The following CSGALNACT1 variants were observed in gnomAD, a reference collection of about 807,000 sequenced individuals.
CSGALNACT1 encodes the protein beta4GalNAcT-1.
In CSGALNACT1, 52 loss-of-function variants were observed where a neutral mutation model predicts 51.0. The observed-to-expected ratio is 1.02, with a 90% confidence interval of 0.82 to 1.29. CSGALNACT1 has a LOEUF of 1.29. CSGALNACT1 is among the 50% of genes most tolerant of loss of function. The pLI is 0.00. For synonymous variants in CSGALNACT1, 341 were observed against 254.4 expected, an observed-to-expected ratio of 1.34 and a Z score of -3.24; for missense variants, 935 against 679.2, an observed-to-expected ratio of 1.38 and a Z score of -4.19.
chr8:19,598,759 C>T (rs4922066), intron 2 of CSGALNACT1, among the ~76,000 whole-genome samples: 97,177 of 151,994 alleles, frequency 0.64, 32,861 homozygotes, highest in East Asian at 0.83. Flanking sequence ...GTTCAGGAGA[C>T]GACTGCGCAA....
At chr8:19,583,963 T>C (rs545483972) in intron 3 of CSGALNACT1, among the ~76,000 whole-genome samples, 12 of 152,352 alleles carry the variant, frequency 7.9e-5, no homozygotes, top group Admixed American at 3.9e-4. Context: ...CTTTGCGGCA[T>C]GTTTATGTTG....
At position 19,612,952 on chromosome 8, in the gene CSGALNACT1, A is replaced by G. The variant is rs1197467994; in HGVS notation, c.-543-11087T>C. ...AAGAGAGGAAAAGCAGCTGGAAAAAAAAAAAAAAAAAAAAAAAAAAAAAAA... is the reference window on the plus strand; with the variant it reads ...AAGAGAGGAAAAGCAGCTGGAAAAAGAAAAAAAAAAAAAAAAAAAAAAAAA... On this transcript the variant is annotated intron_variant, in intron 1 of 9. Coordinates refer to the CSGALNACT1 transcript ENST00000332246. Among the ~76,000 whole-genome samples, 10 of 123,892 alleles carry G rather than the reference A, an allele frequency of 8.1e-5. 1 individual carries two copies. The highest frequency in any genetic ancestry group is 3.7e-4 in the African/African-American group (9 of 24,300). 81.3% of individuals were successfully genotyped at this position (123,892 alleles called of 152,430 possible). A position where few individuals can be genotyped will look rare whatever the true frequency, so the allele number is the denominator to read the frequency against.
chr8:19,681,109 T>A (rs990447989), intron 1 of CSGALNACT1, among the ~76,000 whole-genome samples: 1 of 152,076 alleles, frequency 6.6e-6, no homozygotes, highest in Non-Finnish European at 1.5e-5. Context: ...CCCCTGAAGA[T>A]ATGAAGGGAC....
At chr8:19,649,979 T>G (rs1055082447) in intron 1 of CSGALNACT1, among the ~76,000 whole-genome samples, 3 of 151,870 alleles carry the variant, frequency 2.0e-5, no homozygotes, top group African/African-American at 7.3e-5. Flanking sequence ...ACATAAAAGG[T>G]CTGTGAGGTA....
rs565634377 is a variant in CSGALNACT1, at chr8:19,458,409, C to G, written c.851+17G>C. On this transcript the variant is annotated intron_variant, in intron 5 of 9. Coordinates refer to ENST00000454498, the Ensembl canonical transcript of CSGALNACT1. Reference sequence around the variant, plus strand: ...CACATCATGCGGAGGAAGATAAACACGTGCGAACAAACCAACCTGAAATTC... The same window carrying G: ...CACATCATGCGGAGGAAGATAAACAGGTGCGAACAAACCAACCTGAAATTC... 17 of 1,595,334 alleles carry G rather than the reference C, an allele frequency of 1.1e-5. No homozygotes were observed. The South Asian group carries it at 1.8e-4, about 17-fold the overall frequency.
chr8:19,523,266 T>G (rs146519756), intron 3 of CSGALNACT1, among the ~76,000 whole-genome samples: 2 of 152,218 alleles, frequency 1.3e-5, no homozygotes, highest in Non-Finnish European at 2.9e-5. Flanking sequence ...ACAGTACTAT[T>G]TTTACTTACT....
intron 3 of CSGALNACT1, among the ~76,000 whole-genome samples, chr8:19,571,124 C>G (rs1254293534): frequency 2.6e-5 from 4 of 152,088 alleles, no homozygotes; most frequent in African/African-American, 7.2e-5. Flanking sequence ...AAGTGTGTCA[C>G]CACACCTAGC....
chr8:19,505,061 CTTTTGGTGT>C lies in CSGALNACT1; in HGVS notation c.634+131_634+139del, dbSNP rs1400209247. The C allele has an allele frequency of 8.2e-6, 7 of 848,724 alleles. No homozygotes were observed. In the African/African-American group the frequency reaches 8.4e-5, roughly 10 times the overall value. 52.6% of individuals were successfully genotyped at this position (848,724 alleles called of 1,614,324 possible). A position where few individuals can be genotyped will look rare whatever the true frequency, so the allele number is the denominator to read the frequency against. On this transcript the variant is annotated intron_variant, in intron 4 of 9. Coordinates refer to ENST00000454498, the Ensembl canonical transcript of CSGALNACT1. ...TGAAAAATAAAAAGCCATGCCGTAC[CTTTTGGTGT>C]CACACACATAAAACTTTCCGCCAGC...
At position 19,589,300 on chromosome 8, in the gene CSGALNACT1, T is replaced by C. The variant is rs187595011; in HGVS notation, c.-297+1860A>G. Among the ~76,000 whole-genome samples the C allele has an allele frequency of 5.1e-4, 77 of 152,314 alleles. 2 individuals are homozygous for C. The Middle Eastern group carries it at 0.01, about 20-fold the overall frequency. ...TCTAAAGCTACCTAATTTTTCAACA[T>C]GTCCCCCAGTTCCTTTTAGGAAGGT... On this transcript the variant is annotated intron_variant, in intron 3 of 9. Transcript: ENST00000454498.
intron 4 of CSGALNACT1, 45 bp downstream of exon 3, chr8:19,505,156 C>T: frequency 1.2e-6 from 2 of 1,611,500 alleles, no homozygotes; most frequent in South Asian, 1.1e-5. Context: ...CAGGAACCCC[C>T]AATTCCTTTT....
intron 3 of CSGALNACT1, among the ~76,000 whole-genome samples, chr8:19,540,382 C>T (rs2084816486): frequency 6.6e-6 from 1 of 152,156 alleles, no homozygotes; most frequent in South Asian, 2.1e-4. Flanking sequence ...CTTCTACACC[C>T]CTCCTCTTGC....
intron 6 of CSGALNACT1, among the ~76,000 whole-genome samples, chr8:19,433,080 T>C (rs1166971807): frequency 8.5e-5 from 13 of 152,160 alleles, no homozygotes; most frequent in Non-Finnish European, 1.8e-4. Context: ...TTCTCCCAGG[T>C]TTTTTGTTGT....
chr8:19,496,651 C>T (rs558785350), intron 4 of CSGALNACT1, among the ~76,000 whole-genome samples: 15 of 152,236 alleles, frequency 9.9e-5, no homozygotes, highest in East Asian at 3.9e-4. Flanking sequence ...GGTGAAGTCA[C>T]GGAGCAAACA....
intron 1 of CSGALNACT1, among the ~76,000 whole-genome samples, chr8:19,649,306 C>T (rs944621463): frequency 6.6e-6 from 1 of 152,070 alleles, no homozygotes; most frequent in African/African-American, 2.4e-5. Context: ...CAGAAAGCTT[C>T]TAAGAGTAGT....
intron 1 of CSGALNACT1, among the ~76,000 whole-genome samples, chr8:19,730,461 T>C (rs914740102): frequency 6.6e-6 from 1 of 152,236 alleles, no homozygotes; most frequent in East Asian, 1.9e-4. Context: ...ATGTCCATGC[T>C]GAGGTTGGAA....
At chr8:19,632,050 A>G (rs532712008) in intron 1 of CSGALNACT1, among the ~76,000 whole-genome samples, 5 of 152,372 alleles carry the variant, frequency 3.3e-5, no homozygotes, top group Admixed American at 6.5e-5. Context: ...CTATATTTCA[A>G]AGCTACATTT....
At chr8:19,609,551 A>T (rs2051892707) in intron 1 of CSGALNACT1, among the ~76,000 whole-genome samples, 1 of 151,692 alleles carries the variant, frequency 6.6e-6, no homozygotes, top group African/African-American at 2.4e-5. Flanking sequence ...ATCAGCATGG[A>T]TCGTAATTAT....
chr8:19,554,093 T>G (rs113141395), intron 3 of CSGALNACT1, among the ~76,000 whole-genome samples: 1 of 121,890 alleles, frequency 8.2e-6, no homozygotes, highest in Non-Finnish European at 1.7e-5. Flanking sequence ...AAGAGAATAA[T>G]AGAGAACGAA....
intron 1 of CSGALNACT1, among the ~76,000 whole-genome samples, chr8:19,654,524 T>C (rs2058093309): frequency 1.3e-5 from 2 of 152,158 alleles, no homozygotes; most frequent in African/African-American, 4.8e-5. Context: ...ATGAGGATGT[T>C]GTAGGGTGTT....
Sources: gnomAD v4.1 joint callset for allele counts (sites outside exome capture counted in the v4.1 genomes callset) on GRCh38, gnomAD v4.1.1 for gene constraint, MANE v1.5 for transcripts, NCBI Gene and HGNC (gene_info 2026-07-23, HGNC 2026-07-21) for gene names.